Variants in CEMIP observed in about 807,000 individuals in gnomAD.
The protein encoded by CEMIP is cell migration inducing hyaluronidase 1.
A neutral mutation model predicts 156.9 loss-of-function variants in CEMIP; 105 were observed. That is an observed-to-expected ratio of 0.67 (90% CI 0.57 to 0.79). The LOEUF is 0.79. CEMIP is among the 30% of genes least tolerant of loss of function. The pLI is 0.00. For synonymous variants in CEMIP, 676 were observed against 668.4 expected (o/e 1.01, Z -0.17); for missense variants, 1,457 against 1,769.4 (o/e 0.82, Z 3.17).
chr15:80,863,578 A>T (rs1305331792), intron 1 of CEMIP, among the ~76,000 whole-genome samples: 2 of 152,346 alleles, frequency 1.3e-5, no homozygotes, highest in East Asian at 3.9e-4. Flanking sequence ...GGCCAGGGAG[A>T]ACCCTCTAGG....
chr15:80,911,544 C>T (rs1416690977), intron 14 of CEMIP, among the ~76,000 whole-genome samples: 6 of 152,164 alleles, frequency 3.9e-5, no homozygotes, highest in Admixed American at 3.9e-4. Context: ...CACACACACA[C>T]ACACACACAC....
intron 6 of CEMIP, among the ~76,000 whole-genome samples, chr15:80,883,438 G>A (rs1443785891): frequency 6.6e-6 from 1 of 152,182 alleles, no homozygotes; most frequent in Non-Finnish European, 1.5e-5. Flanking sequence ...AAAATTTTAA[G>A]AGGGTAGATC....
At chr15:80,817,865 G>C (rs577484941) in intron 1 of CEMIP, among the ~76,000 whole-genome samples, 119 of 152,100 alleles carry the variant, frequency 7.8e-4, no homozygotes, top group African/African-American at 2.7e-3. Context: ...ACCACTTCTT[G>C]TAAAAATTAT....
At chr15:80,913,170 CA>C (rs1900133606) in intron 14 of CEMIP, among the ~76,000 whole-genome samples, 1 of 152,160 alleles carries the variant, frequency 6.6e-6, no homozygotes, top group Non-Finnish European at 1.5e-5. Context: ...CCTCAGAGGA[CA>C]GCTTCCCTCA....
At chr15:80,828,958 A>G (rs1477396904) in intron 1 of CEMIP, among the ~76,000 whole-genome samples, 3 of 152,238 alleles carry the variant, frequency 2.0e-5, no homozygotes, top group South Asian at 2.1e-4. Flanking sequence ...ACTGGCAACA[A>G]TGGCCTCTTC....
intron 28 of CEMIP, among the ~76,000 whole-genome samples, chr15:80,944,255 G>A (rs895263888): frequency 6.6e-6 from 1 of 152,178 alleles, no homozygotes; most frequent in Non-Finnish European, 1.5e-5. Flanking sequence ...ACTCCAGCCT[G>A]GGTGACACAG....
intron 14 of CEMIP, among the ~76,000 whole-genome samples, chr15:80,914,250 G>A (rs1365261447): frequency 6.6e-6 from 1 of 152,220 alleles, no homozygotes; most frequent in Non-Finnish European, 1.5e-5. Flanking sequence ...TACTTTTGTG[G>A]AAGGACAAAA....
chr15:80,923,219 G>A (rs1288354255), intron 17 of CEMIP, among the ~76,000 whole-genome samples: 1 of 152,084 alleles, frequency 6.6e-6, no homozygotes, highest in Non-Finnish European at 1.5e-5. Context: ...TAGTGTCATG[G>A]GGCAGTGAGC....
intron 14 of CEMIP, among the ~76,000 whole-genome samples, chr15:80,915,803 C>A (rs1178789535): frequency 6.6e-6 from 1 of 151,620 alleles, no homozygotes; most frequent in Non-Finnish European, 1.5e-5. Flanking sequence ...GGGTTTTTTT[C>A]TTCCACCCAG....
Position 80,906,541 on chromosome 15 carries a change from C to T in CEMIP, c.1412-122C>T. The T allele has an allele frequency of 4.2e-6, 4 of 941,750 alleles. No homozygotes were observed. Among genetic ancestry groups the T allele is most frequent in the Non-Finnish European group, 6.5e-6 (4 of 614,250 alleles). 58.3% of individuals were successfully genotyped at this position (941,750 alleles called of 1,614,324 possible). A position where few individuals can be genotyped will look rare whatever the true frequency, so the allele number is the denominator to read the frequency against. ...ACCTTCATCCTTCTGTAACATGAGACCACTGTGCACACCAGGCATGGCGAT... is the reference window on the plus strand; with the variant it reads ...ACCTTCATCCTTCTGTAACATGAGATCACTGTGCACACCAGGCATGGCGAT... On this transcript the variant is annotated intron_variant, in intron 12 of 29. Transcript: ENST00000394685. This position sits in a 1 kb window ranked among gnomAD's most constrained non-coding sequence, Gnocchi z 4.3.
intron 1 of CEMIP, among the ~76,000 whole-genome samples, chr15:80,829,075 G>A (rs1169431626): frequency 6.6e-6 from 1 of 152,166 alleles, no homozygotes; most frequent in Admixed American, 6.6e-5. Flanking sequence ...GATCCCAGAG[G>A]GATTCCCAAA....
intron 1 of CEMIP, among the ~76,000 whole-genome samples, chr15:80,782,118 G>C (rs569427757): frequency 1.2e-4 from 19 of 152,328 alleles, no homozygotes; most frequent in African/African-American, 4.3e-4. Flanking sequence ...TTGGAGGAAA[G>C]ATAAAAGTAA....
In CEMIP at chr15:80,924,363, C is replaced by G. The variant is rs112318904; in HGVS notation, c.2203-258C>G. Among the ~76,000 whole-genome samples the G allele has an allele frequency of 1.1e-3, 171 of 152,328 alleles. 2 individuals are homozygous for G. The highest frequency in any genetic ancestry group is 4.0e-3 in the African/African-American group (165 of 41,570). On this transcript the variant is annotated intron_variant, in intron 17 of 29. Transcript: ENST00000394685. ...GACTTTGCTATGTGGCCTTGGACAA[C>G]ATACATAACCTCTCTAGACCTCAGT...
intron 1 of CEMIP, among the ~76,000 whole-genome samples, chr15:80,816,483 C>T (rs1177240096): frequency 6.6e-6 from 1 of 152,180 alleles, no homozygotes; most frequent in Non-Finnish European, 1.5e-5. Flanking sequence ...TGCCTCATTT[C>T]TGCACCACCT....
intron 25 of CEMIP, among the ~76,000 whole-genome samples, chr15:80,939,480 A>G (rs1305099133): frequency 6.6e-6 from 1 of 152,264 alleles, no homozygotes; most frequent in African/African-American, 2.4e-5. Context: ...TTGATAAGGT[A>G]AAGTCCCTGG....
At chr15:80,844,300 C>A (rs539096304) in intron 1 of CEMIP, among the ~76,000 whole-genome samples, 5 of 152,256 alleles carry the variant, frequency 3.3e-5, no homozygotes, top group Non-Finnish European at 5.9e-5. Context: ...CGCCCCCCAG[C>A]CAGCCTGTGC....
intron 1 of CEMIP, among the ~76,000 whole-genome samples, chr15:80,870,457 A>G (rs1441348408): frequency 6.6e-6 from 1 of 152,162 alleles, no homozygotes; most frequent in African/African-American, 2.4e-5. Context: ...ATGCCGTGGG[A>G]GTGCCGTTGC....
intron 14 of CEMIP, among the ~76,000 whole-genome samples, chr15:80,910,653 A>G (rs1431546949): frequency 1.3e-5 from 2 of 152,250 alleles, no homozygotes; most frequent in Non-Finnish European, 2.9e-5. Context: ...CCTGGGTTCA[A>G]GGGCTTGATC....
At chr15:80,815,199 C>T (rs1021061542) in intron 1 of CEMIP, among the ~76,000 whole-genome samples, 3 of 152,242 alleles carry the variant, frequency 2.0e-5, no homozygotes, top group Non-Finnish European at 4.4e-5. Flanking sequence ...CTAACTCCGT[C>T]ACTCACTAAC....
Sources: allele counts gnomAD v4.1 joint callset (sites outside exome capture counted in the v4.1 genomes callset), GRCh38; gene constraint gnomAD v4.1.1; non-coding constraint Gnocchi (gnomAD v3.1); transcripts MANE v1.5; gene names NCBI Gene and HGNC (gene_info 2026-07-23, HGNC 2026-07-21).